The following DHX9 variants were observed in gnomAD, a reference collection of about 807,000 sequenced individuals.
DHX9 encodes ATP-dependent RNA helicase A.
In DHX9, 27 loss-of-function variants were observed where a neutral mutation model predicts 148.7. The ratio of observed to expected loss-of-function variants is 0.18; its 90% CI spans 0.13 to 0.25. DHX9 has a LOEUF of 0.25. Among genes scored for constraint, DHX9 ranks in the 10% least tolerant of loss-of-function variants. The pLI is 1.00. For missense variants in DHX9, 796 were observed against 1,559.6 expected (o/e 0.51, Z 8.25); for synonymous variants, 529 against 516.6 (o/e 1.02, Z -0.33).
In DHX9 at chr1:182,864,068, G is replaced by A. The variant is rs553026696; in HGVS notation, c.1333-2376G>A. On this transcript the variant is annotated intron_variant, in intron 12 of 27. Coordinates refer to ENST00000367549, the MANE Select transcript of DHX9 (RefSeq NM_001357.5). ...AGTCCCAGGTACTTTGGAGGCTGAG[G>A]TGGGAGGATCGCTTGAACCTGAGAG... 3.3e-5 allele frequency among the ~76,000 whole-genome samples: 5 copies of A among 152,276 alleles called. No individual in the cohort carries two copies. The South Asian group carries it at 1.0e-3, about 32-fold the overall frequency.
intron 25 of DHX9, 35 bp from the exon 26 acceptor site, chr1:182,883,485 C>A: frequency 6.3e-7 from 1 of 1,596,718 alleles, no homozygotes; most frequent in Non-Finnish European, 8.6e-7. Flanking sequence ...GTTGGAATGT[C>A]AACCATTTTG....
In DHX9 at chr1:182,884,703, A is replaced by G; in HGVS notation, c.3351A>G (p.Gln1117=). 6.2e-7 allele frequency: 1 copy of G among 1,614,192 alleles called. No individual in the cohort carries two copies. Among genetic ancestry groups the G allele is most frequent in the African/African-American group, 1.3e-5 (1 of 75,056 alleles). ...MEALVVEVTK[Q]PAIISQLDPV... is the part of the protein sequence containing the mutation. The stretch of plus-strand genomic sequence containing the variant: ...CTTTGGTTGTTGAAGTAACCAAACA[A>G]CCTGCTATCATCAGCCAGTTGGACC... Residue 1117 remains glutamine (Q), a synonymous_variant, in exon 27 of 28, where the codon CAA becomes CAG. Transcript: ENST00000367549.
In DHX9 at chr1:182,881,297, T is replaced by G; in HGVS notation, c.2658T>G (p.Ala886=). ...ATGCTATCTGTACCATTGCTGCTGCTACCTGCTTTCCAGAGCCTTTCATCA... is the reference window on the plus strand; with the variant it reads ...ATGCTATCTGTACCATTGCTGCTGCGACCTGCTTTCCAGAGCCTTTCATCA... ...VGDAICTIAA[A]TCFPEPFINE... The change falls in exon 23 of 28, where the codon GCT becomes GCG. Residue 886 remains alanine (A), a synonymous_variant. Transcript: ENST00000367549. 1 of 1,614,138 alleles carries G rather than the reference T, an allele frequency of 6.2e-7. No individual in the cohort carries two copies. Among genetic ancestry groups the G allele is most frequent in the South Asian group, 1.1e-5 (1 of 91,074 alleles).
Position 182,875,572 on chromosome 1 carries a change from G to T in DHX9, c.1816-478G>T, listed in dbSNP as rs1217334966. On this transcript the variant is annotated intron_variant, in intron 16 of 27. Coordinates refer to ENST00000367549, the MANE Select transcript of DHX9 (RefSeq NM_001357.5). ...AATGGATTATCTGGAAATACAGACT[G>T]AGACAGCCAGCAATGCAGAATTTGC... Among the ~76,000 whole-genome samples, 4 of 152,298 alleles carry T rather than the reference G, an allele frequency of 2.6e-5. No homozygotes were observed. The South Asian group carries it at 6.2e-4, about 24-fold the overall frequency.
At chr1:182,879,661 T>C (rs186488950) in intron 21 of DHX9, among the ~76,000 whole-genome samples, 1 of 152,350 alleles carries the variant, frequency 6.6e-6, no homozygotes, top group Admixed American at 6.5e-5. Flanking sequence ...ATCTCTTAAC[T>C]ATGTACTAAA....
intron 6 of DHX9, among the ~76,000 whole-genome samples, chr1:182,854,681 G>C (rs1668223067): frequency 6.6e-6 from 1 of 152,102 alleles, no homozygotes; most frequent in Non-Finnish European, 1.5e-5. Flanking sequence ...GAAATTTAAG[G>C]GCTTATCGTA....
intron 5 of DHX9, among the ~76,000 whole-genome samples, 196 bp downstream of exon 5, chr1:182,853,614 GAA>G (rs955703982): frequency 6.6e-6 from 1 of 151,914 alleles, no homozygotes; most frequent in Non-Finnish European, 1.5e-5. Context: ...GCCTATGGAG[GAA>G]AAAAACAGTA....
rs771688331 is a variant in DHX9 at position 182,883,356 on chromosome 1, A to C, written c.3132A>C (p.Val1044=). ...QDMKYPSPFF[V]FGEKIRTRAI... is the part of the protein sequence containing the mutation. The stretch of plus-strand genomic sequence containing the variant: ...TGAAGTACCCATCTCCCTTCTTTGT[A>C]TTTGGTGAAAAGGTAAGAAAAGACT... The change falls in exon 25 of 28, where the codon GTA becomes GTC. Residue 1044 remains valine, a synonymous_variant. Coordinates refer to ENST00000367549, the MANE Select transcript of DHX9 (RefSeq NM_001357.5). 6.2e-7 allele frequency: 1 copy of C among 1,613,730 alleles called. No individual in the cohort carries two copies. The highest frequency in any genetic ancestry group is 8.5e-7 in the Non-Finnish European group (1 of 1,179,622).
At chr1:182,879,109 G>A (rs1018378782) in intron 20 of DHX9, 141 bp from the exon 21 acceptor site, 22 of 628,060 alleles carry the variant, frequency 3.5e-5, no homozygotes, top group South Asian at 9.7e-5. Context: ...TATAGTGAAC[G>A]ATAAAAGGTC....
At chr1:182,881,184 C>G in intron 22 of DHX9, 80 bp from the exon 23 acceptor site, 1 of 1,431,750 alleles carries the variant, frequency 7.0e-7, no homozygotes, top group Non-Finnish European at 9.4e-7. Context: ...AGACTGCAAC[C>G]CACAGTCGAC....
At chr1:182,858,425 A>G in intron 8 of DHX9, 126 bp from the exon 9 acceptor site, 2 of 1,084,646 alleles carry the variant, frequency 1.8e-6, no homozygotes, top group Non-Finnish European at 2.7e-6. Flanking sequence ...CATTGAAGTA[A>G]TTCTCTCACA....
intron 12 of DHX9, among the ~76,000 whole-genome samples, chr1:182,863,456 G>A (rs10494551): frequency 0.23 from 35,589 of 151,970 alleles, 7,331 homozygotes; most frequent in African/African-American, 0.56. Flanking sequence ...TGTGTTCTTG[G>A]TTCTTATTTA....
At chr1:182,856,416 A>ATT in intron 6 of DHX9, 116 bp from the exon 7 acceptor site, 13 of 728,838 alleles carry the variant, frequency 1.8e-5, no homozygotes, top group South Asian at 3.5e-5. Flanking sequence ...AATGTTGGTA[A>ATT]TTTTTTTTTT....
In DHX9 at chr1:182,842,632, A is replaced by G. The variant is rs1428162064; in HGVS notation, c.66A>G (p.Glu22=). The G allele has an allele frequency of 6.2e-7, 1 of 1,613,564 alleles. No individual in the cohort carries two copies. The highest frequency in any genetic ancestry group is 8.5e-7 in the Non-Finnish European group (1 of 1,179,748). ...AAAGGAAGATGACCCCATCCTATGA[A>G]ATTAGAGCAGTGGGGAACAAAAACA... The part of the protein sequence containing the change: ...CGKRKMTPSY[E]IRAVGNKNRQ... The change falls in exon 2 of 28, where the codon GAA becomes GAG. Residue 22 remains glutamate, a synonymous_variant. Coordinates refer to ENST00000367549, the MANE Select transcript of DHX9 (RefSeq NM_001357.5).
chr1:182,865,535 AAAG>A (rs939539573), intron 12 of DHX9, among the ~76,000 whole-genome samples: 67 of 152,240 alleles, frequency 4.4e-4, no homozygotes, highest in African/African-American at 1.6e-3. Context: ...TGTTTAGTAA[AAAG>A]AAGATAGTGA....
At chr1:182,880,674 T>A in intron 22 of DHX9, 66 bp downstream of exon 22, 2 of 1,098,942 alleles carry the variant, frequency 1.8e-6, no homozygotes, top group Non-Finnish European at 2.7e-6. Context: ...CTCCTCCCTG[T>A]AAAAGCAGTA....
At chr1:182,845,749 G>T (rs544958118) in intron 3 of DHX9, among the ~76,000 whole-genome samples, 1 of 152,298 alleles carries the variant, frequency 6.6e-6, no homozygotes, top group East Asian at 1.9e-4. Flanking sequence ...TTTGGGGTCA[G>T]TTAATTTGCT....
intron 3 of DHX9, among the ~76,000 whole-genome samples, chr1:182,843,658 C>G (rs141296091): frequency 2.0e-5 from 3 of 152,118 alleles, no homozygotes; most frequent in African/African-American, 7.2e-5. Context: ...TTCCATTAAT[C>G]TTTGTGTCTT....
intron 20 of DHX9, among the ~76,000 whole-genome samples, chr1:182,878,622 T>TA (rs1430594503): frequency 6.6e-6 from 1 of 152,256 alleles, no homozygotes; most frequent in African/African-American, 2.4e-5. Flanking sequence ...TGTTAATTTA[T>TA]ACAGGTCAGA....
Sources: gnomAD v4.1 joint callset for allele counts (sites outside exome capture counted in the v4.1 genomes callset) on GRCh38, gnomAD v4.1.1 for gene constraint, MANE v1.5 for transcripts, NCBI Gene and HGNC (gene_info 2026-07-23, HGNC 2026-07-21) for gene names.